The following MTA3 variants were observed in gnomAD, a reference collection of about 807,000 sequenced individuals.
The protein encoded by MTA3 is metastasis associated 1 family member 3, also known as metastasis-associated protein MTA3.
MTA3 carries 34 observed loss-of-function variants against 83.5 expected under a neutral mutation model. The ratio of observed to expected loss-of-function variants is 0.41; its 90% confidence interval spans 0.31 to 0.54. The LOEUF (loss-of-function observed/expected upper bound fraction) is 0.54, where lower values mean the gene tolerates loss of function less well. MTA3 is among the 20% of genes least tolerant of loss of function. The probability of loss-of-function intolerance (pLI) is 0.33; values close to 1 mark genes in which losing one functional copy is unlikely to be tolerated. For synonymous variants in MTA3, 303 were observed against 252.7 expected, an observed-to-expected ratio of 1.20 and a Z score of -1.89; for missense variants, 761 against 726.4, an observed-to-expected ratio of 1.05 and a Z score of -0.55.
At chr2:42,561,013 A>G (rs1347625650) in intron 2 of MTA3, among the ~76,000 whole-genome samples, 5 of 152,068 alleles carry the variant, frequency 3.3e-5, no homozygotes, top group Admixed American at 3.3e-4. Flanking sequence ...ACCATGGCCC[A>G]CCGGTCCCTA....
At chr2:42,628,360 AGCTGG>A (rs1686333286) in intron 4 of MTA3, among the ~76,000 whole-genome samples, 2 of 151,896 alleles carry the variant, frequency 1.3e-5, no homozygotes, top group East Asian at 1.9e-4. Flanking sequence ...CCTCCCGAGT[AGCTGG>A]GATTACAGGC....
At position 42,538,756 on chromosome 2, in the gene MTA3, AT is replaced by A. The variant is rs1372504036; in HGVS notation, c.-140-31680del. On this transcript the variant is annotated intron_variant, in intron 2 of 17. Coordinates refer to the MTA3 transcript ENST00000405592. ...AAGAAAAGAAAAGAAAAAGAAAAAA[AT>A]GTTTTTTTTGTTTTTTTTTGTTTTT... 2.6e-5 allele frequency among the ~76,000 whole-genome samples: 3 copies of A among 117,446 alleles called. No individual in the cohort carries two copies. The East Asian group carries it at 7.3e-4, about 28-fold the overall frequency. The allele number at this position is 117,446 out of a possible 152,430, so 77.0% of individuals were successfully genotyped here. A position where few individuals can be genotyped will look rare whatever the true frequency, so the allele number is the denominator to read the frequency against.
At position 42,700,564 on chromosome 2, in the gene MTA3, A is replaced by G. The variant is rs143743513; in HGVS notation, c.1025+2730A>G. Among the ~76,000 whole-genome samples the G allele has an allele frequency of 2.8e-3, 425 of 152,342 alleles. 4 individuals are homozygous for G. Among genetic ancestry groups the G allele is most frequent in the African/African-American group, 9.9e-3 (410 of 41,580 alleles). On this transcript the variant is annotated intron_variant, in intron 11 of 16. Transcript: ENST00000405094. ...GGCAGCTCAACTGTACATTTGTATT[A>G]GCTCTTTTTCAACACACATATTTAG...
At chr2:42,746,223 A>T (rs944636828) in intron 16 of MTA3, among the ~76,000 whole-genome samples, 1 of 152,188 alleles carries the variant, frequency 6.6e-6, no homozygotes, top group Non-Finnish European at 1.5e-5. Context: ...GATTTTTAAC[A>T]AACTTTTTTT....
chr2:42,535,524 A>G (rs1320307135), intron 2 of MTA3, among the ~76,000 whole-genome samples: 3 of 152,024 alleles, frequency 2.0e-5, no homozygotes, highest in East Asian at 3.9e-4. Context: ...ACTGCACCCA[A>G]CTCCCTTCCT....
intron 3 of MTA3, among the ~76,000 whole-genome samples, chr2:42,583,041 C>G (rs546877502): frequency 6.6e-6 from 1 of 152,010 alleles, no homozygotes; most frequent in East Asian, 1.9e-4. Flanking sequence ...AGAGAAATTA[C>G]TTCATTTTGT....
chr2:42,744,591 G>A (rs1343384385), intron 16 of MTA3, among the ~76,000 whole-genome samples: 1 of 152,204 alleles, frequency 6.6e-6, no homozygotes, highest in Non-Finnish European at 1.5e-5. Context: ...GAAGGAAAGT[G>A]TAGCTCTGAC....
At chr2:42,642,833 C>T (rs1323108779) in intron 5 of MTA3, among the ~76,000 whole-genome samples, 11 of 151,988 alleles carry the variant, frequency 7.2e-5, no homozygotes, top group African/African-American at 1.9e-4. Context: ...TTAGTAGAGA[C>T]GGGATTTCAC....
chr2:42,635,756 C>G (rs549564992), intron 4 of MTA3, among the ~76,000 whole-genome samples: 1 of 152,204 alleles, frequency 6.6e-6, no homozygotes, highest in East Asian at 1.9e-4. Flanking sequence ...AACTCTGCAT[C>G]TATAGGAATT....
intron 4 of MTA3, among the ~76,000 whole-genome samples, chr2:42,615,731 T>G (rs1458827829): frequency 3.0e-5 from 4 of 132,052 alleles, no homozygotes. Flanking sequence ...TTTTTTTTTT[T>G]TTTTTTTGAG....
intron 2 of MTA3, among the ~76,000 whole-genome samples, chr2:42,538,501 A>C (rs1676358431): frequency 6.6e-6 from 1 of 152,006 alleles, no homozygotes; most frequent in South Asian, 2.1e-4. Flanking sequence ...TGAGGTGAGG[A>C]GTTCGAGACC....
chr2:42,701,484 C>T (rs1378117795), intron 11 of MTA3, among the ~76,000 whole-genome samples: 1 of 151,306 alleles, frequency 6.6e-6, no homozygotes, highest in East Asian at 1.9e-4. Context: ...GCAGTCCCAG[C>T]TACTTGAGAG....
intron 3 of MTA3, among the ~76,000 whole-genome samples, chr2:42,603,992 G>T (rs1320166500): frequency 1.3e-5 from 2 of 152,088 alleles, no homozygotes; most frequent in African/African-American, 4.8e-5. Flanking sequence ...CTTGTGATCC[G>T]CCTGCCTCGG....
chr2:42,608,743 G>A (rs1683813062), intron 3 of MTA3, among the ~76,000 whole-genome samples: 1 of 152,056 alleles, frequency 6.6e-6, no homozygotes, highest in African/African-American at 2.4e-5. Context: ...AGTTAGCCAG[G>A]TGTGGTGATG....
At chr2:42,676,491 T>G (rs541839094) in intron 8 of MTA3, among the ~76,000 whole-genome samples, 37 of 152,316 alleles carry the variant, frequency 2.4e-4, no homozygotes, top group African/African-American at 8.7e-4. Context: ...TTTGGCTAGA[T>G]GCAGTGGCTC....
At chr2:42,751,593 A>T (rs772977928) in intron 16 of MTA3, among the ~76,000 whole-genome samples, 5 of 152,198 alleles carry the variant, frequency 3.3e-5, no homozygotes, top group Non-Finnish European at 7.3e-5. Flanking sequence ...GCCTGTCTCA[A>T]TTGAAAACCG....
intron 8 of MTA3, among the ~76,000 whole-genome samples, chr2:42,678,523 TTC>T (rs1691585296): frequency 6.6e-6 from 1 of 151,964 alleles, no homozygotes; most frequent in South Asian, 2.1e-4. Context: ...GAGACAGAGT[TTC>T]ACCATATTGG....
At chr2:42,752,378 T>C (rs1573860088) in intron 16 of MTA3, 1 of 429,242 alleles carries the variant, frequency 2.3e-6, no homozygotes, top group Non-Finnish European at 4.8e-6. Flanking sequence ...GAGCATCTTA[T>C]CCCTTCTCAG....
intron 2 of MTA3, among the ~76,000 whole-genome samples, chr2:42,524,783 G>C (rs1464780551): frequency 1.3e-5 from 2 of 149,054 alleles, no homozygotes; most frequent in Non-Finnish European, 3.0e-5. Flanking sequence ...CTAAAACTTT[G>C]TATTTTGACA....
Sources: allele counts gnomAD v4.1 joint callset (sites outside exome capture counted in the v4.1 genomes callset), GRCh38; gene constraint gnomAD v4.1.1; transcripts MANE v1.5; gene names NCBI Gene and HGNC (gene_info 2026-07-23, HGNC 2026-07-21).